The following GNL2 variants were observed in gnomAD, a reference collection of about 807,000 sequenced individuals.
The protein encoded by GNL2 is nucleolar GTP-binding protein 2.
A neutral mutation model predicts 92.3 loss-of-function variants in GNL2; 51 were observed. The ratio of observed to expected loss-of-function variants is 0.55; its 90% CI spans 0.44 to 0.70. The LOEUF is 0.70. Among genes scored for constraint, GNL2 ranks in the 30% least tolerant of loss-of-function variants. GNL2 has a pLI of 0.00. For missense variants in GNL2, 844 were observed against 895.6 expected, an observed-to-expected ratio of 0.94 and a Z score of 0.74; for synonymous variants, 283 against 300.6, an observed-to-expected ratio of 0.94 and a Z score of 0.61.
In GNL2 at chr1:37,566,961, C is replaced by T. The variant is rs374278862; in HGVS notation, c.2090G>A (p.Arg697His). 20 of 1,613,836 alleles carry T rather than the reference C, an allele frequency of 1.2e-5. No individual in the cohort carries two copies. Among genetic ancestry groups the T allele is most frequent in the East Asian group, 8.9e-5 (4 of 44,878 alleles). The change falls in exon 16 of 16, where the codon CGC becomes CAC. Residue 697 changes from arginine (R) to histidine (H), a missense_variant. Arg to His is a conservative substitution (Grantham distance 29, BLOSUM62 0). Transcript: ENST00000373062. ...RQQRPKKVGV[R>H]YYETHNVKNR... The stretch of plus-strand genomic sequence containing the variant: ...TTTCACGTTGTGTGTTTCATAGTAG[C>T]GCACACCAACTTTTTTCGGCCGTTG...
intron 1 of GNL2, chr1:37,594,157 T>C (rs1643906873): frequency 4.2e-6 from 1 of 238,254 alleles, no homozygotes; most frequent in Admixed American, 5.5e-5. Context: ...ACAATAATCC[T>C]ATAGATATAT....
At chr1:37,581,261 A>G (rs1039129314) in intron 8 of GNL2, 6 of 427,056 alleles carry the variant, frequency 1.4e-5, no homozygotes, top group Non-Finnish European at 2.8e-5. Context: ...TAAAGTGGGG[A>G]AGGGTGGGAC....
rs969584499 is a variant in GNL2 at position 37,582,332 on chromosome 1, C to T, written c.800G>A (p.Arg267Gln). Residue 267 changes from arginine to glutamine, a missense_variant, in exon 8 of 16, where the codon CGG becomes CAG. Arg to Gln is a conservative substitution (Grantham distance 43). Coordinates refer to ENST00000373062, the MANE Select transcript of GNL2 (RefSeq NM_013285.3). ...CDLVPTWATK[R>Q]WVAVLSQDYP... ...ATCCTGGGAGAGGACAGCAACCCAC[C>T]GTTTCTAGAAGGAGAGATGAAAACA... 13 of 1,601,694 alleles carry T rather than the reference C, an allele frequency of 8.1e-6. No individual in the cohort carries two copies. Among genetic ancestry groups the T allele is most frequent in the African/African-American group, 4.0e-5 (3 of 74,432 alleles).
At position 37,568,839 on chromosome 1, in the gene GNL2, T is replaced by C. The variant is rs113706818; in HGVS notation, c.1868+12A>G. On this transcript the variant is annotated intron_variant, in intron 13 of 15. Coordinates refer to ENST00000373062, the MANE Select transcript of GNL2 (RefSeq NM_013285.3). ...TGAAAATCTGCAATTTGTGAGAAGA[T>C]GAAAATATTACCTGACTGCTGAAAA... is the stretch of plus-strand genomic sequence containing the variant. 1,709 of 1,598,878 alleles carry C rather than the reference T, an allele frequency of 1.1e-3. 21 individuals are homozygous for C. In the African/African-American group the frequency reaches 0.02, roughly 19 times the overall value.
At chr1:37,579,440 G>A (rs919909230) in intron 8 of GNL2, among the ~76,000 whole-genome samples, 2 of 151,896 alleles carry the variant, frequency 1.3e-5, no homozygotes, top group Admixed American at 6.6e-5. Context: ...CCAGCTACTC[G>A]GGAGGCTGAG....
chr1:37,566,977 T>G lies in GNL2; in HGVS notation c.2074A>C (p.Lys692Gln). The change falls in exon 16 of 16, where the codon AAA becomes CAA. Residue 692 changes from lysine to glutamine, a missense_variant. Physicochemically the swap from Lys to Gln is moderately conservative, Grantham distance 53. Transcript: ENST00000373062. ...TCATAGTAGCGCACACCAACTTTTTTCGGCCGTTGCTGTCGTACTGCTCGC... is the reference window on the plus strand; with the variant it reads ...TCATAGTAGCGCACACCAACTTTTTGCGGCCGTTGCTGTCGTACTGCTCGC... ...RRRAVRQQRP[K>Q]KVGVRYYETH... The G allele has an allele frequency of 6.2e-7, 1 of 1,614,070 alleles. No homozygotes were observed. The highest frequency in any genetic ancestry group is 8.5e-7 in the Non-Finnish European group (1 of 1,179,996).
chr1:37,568,390 C>T, intron 13 of GNL2, 33 bp from the exon 14 acceptor site: 2 of 1,385,446 alleles, frequency 1.4e-6, no homozygotes, highest in Non-Finnish European at 2.1e-6. Context: ...CATTCCTCCT[C>T]TCACTCGCCC....
chr1:37,584,123 T>C (rs1011346512), intron 5 of GNL2, among the ~76,000 whole-genome samples, 190 bp from the exon 6 acceptor site: 2 of 152,084 alleles, frequency 1.3e-5, no homozygotes, highest in Admixed American at 6.6e-5. Flanking sequence ...ATGTGGCACA[T>C]ATATACACAA....
intron 5 of GNL2, among the ~76,000 whole-genome samples, chr1:37,585,481 A>G (rs183014840): frequency 6.6e-6 from 1 of 152,318 alleles, no homozygotes; most frequent in Non-Finnish European, 1.5e-5. Context: ...ATCACAACCT[A>G]TACTCCATAG....
At position 37,574,385 on chromosome 1, in the gene GNL2, G is replaced by C; in HGVS notation, c.1374C>G (p.Phe458Leu). ...LNDWQRGRIPFFVKPPNAEPL... is the reference protein window; with the variant it reads ...LNDWQRGRIPLFVKPPNAEPL... ...GCTCTGCATTGGGTGGCTTGACAAA[G>C]AAAGGAATCCGGCCCCTCTGCCAGT... is the stretch of plus-strand genomic sequence containing the variant. The change falls in exon 12 of 16, where the codon TTC becomes TTG. Residue 458 changes from phenylalanine to leucine, a missense_variant. By Grantham distance (22) the Phe-to-Leu change is conservative. Transcript: ENST00000373062. 6.2e-7 allele frequency: 1 copy of C among 1,614,072 alleles called. No individual in the cohort carries two copies. Among genetic ancestry groups the C allele is most frequent in the Non-Finnish European group, 8.5e-7 (1 of 1,179,988 alleles).
chr1:37,568,251 A>AT (rs753662998), intron 14 of GNL2, 24 bp downstream of exon 14: 1 of 1,413,400 alleles, frequency 7.1e-7, no homozygotes, highest in Non-Finnish European at 1.0e-6. Context: ...TTACATCTAA[A>AT]TGATTGAAAT....
chr1:37,578,707 A>G (rs957877480), intron 8 of GNL2, among the ~76,000 whole-genome samples: 1 of 152,010 alleles, frequency 6.6e-6, no homozygotes, highest in African/African-American at 2.4e-5. Flanking sequence ...ATAAGTGTGC[A>G]CCACTATGCC....
intron 4 of GNL2, among the ~76,000 whole-genome samples, chr1:37,587,998 C>G (rs538433614): frequency 4.1e-4 from 63 of 152,240 alleles, no homozygotes; most frequent in African/African-American, 1.5e-3. Context: ...TAATTTCTTT[C>G]ATGGCTAAAA....
chr1:37,584,076 G>A (rs911422978), intron 5 of GNL2, 143 bp from the exon 6 acceptor site: 1 of 641,400 alleles, frequency 1.6e-6, no homozygotes, highest in Non-Finnish European at 2.8e-6. Context: ...TAAAAAGTGT[G>A]CCCAAATGTC....
At chr1:37,586,946 C>G (rs1289306094) in intron 5 of GNL2, among the ~76,000 whole-genome samples, 1 of 152,118 alleles carries the variant, frequency 6.6e-6, no homozygotes, top group Non-Finnish European at 1.5e-5. Context: ...TGCAGAAGAG[C>G]AAATGATGAG....
rs534594596 is a variant in GNL2 at position 37,595,914 on chromosome 1, T to A, written c.-92A>T. On this transcript the variant is annotated 5_prime_UTR_variant, in exon 1 of 16. Transcript: ENST00000373062. ...CCAAGCCCGGCCGAAGACACCCGCC[T>A]GAACCACGCCGGACCACGTGTGCAC... 1.9e-6 allele frequency: 2 copies of A among 1,053,594 alleles called. No homozygotes were observed. Among genetic ancestry groups the A allele is most frequent in the Non-Finnish European group, 2.9e-6 (2 of 679,818 alleles). The allele number at this position is 1,053,594 out of a possible 1,614,324, so 65.3% of individuals were successfully genotyped here. A position where few individuals can be genotyped will look rare whatever the true frequency, so the allele number is the denominator to read the frequency against.
intron 12 of GNL2, among the ~76,000 whole-genome samples, chr1:37,573,318 C>T (rs1643623558): frequency 6.6e-6 from 1 of 152,194 alleles, no homozygotes; most frequent in Admixed American, 6.5e-5. Flanking sequence ...CTGTATGGAC[C>T]CAACGACACT....
At chr1:37,580,754 T>C (rs997748228) in intron 8 of GNL2, among the ~76,000 whole-genome samples, 4 of 152,194 alleles carry the variant, frequency 2.6e-5, no homozygotes, top group African/African-American at 9.7e-5. Flanking sequence ...TATCAGAGAA[T>C]TTGGTAGTAT....
chr1:37,592,233 T>G (rs1302527502), intron 3 of GNL2, among the ~76,000 whole-genome samples: 1 of 152,210 alleles, frequency 6.6e-6, no homozygotes, highest in African/African-American at 2.4e-5. Flanking sequence ...GTGATCACCC[T>G]GAGACTGAAG....
Sources: allele counts gnomAD v4.1 joint callset (sites outside exome capture counted in the v4.1 genomes callset), GRCh38; gene constraint gnomAD v4.1.1; transcripts MANE v1.5; gene names NCBI Gene and HGNC (gene_info 2026-07-23, HGNC 2026-07-21).